SUGCT: variants seen among roughly 807,000 people sequenced by gnomAD.
SUGCT encodes the protein succinyl-CoA:glutarate-CoA transferase.
A neutral mutation model predicts 55.0 loss-of-function variants in SUGCT; 41 were observed. The observed-to-expected ratio is 0.74, with a 90% confidence interval of 0.58 to 0.97. The LOEUF is 0.97. Among genes scored for constraint, SUGCT ranks in the 50% least tolerant of loss-of-function variants. SUGCT has a pLI of 0.00. For synonymous variants in SUGCT, 187 were observed against 200.4 expected (o/e 0.93, Z 0.56); for missense variants, 568 against 547.8 (o/e 1.04, Z -0.37).
intron 6 of SUGCT, among the ~76,000 whole-genome samples, chr7:40,226,078 T>C (rs1788331724): frequency 6.6e-6 from 1 of 152,204 alleles, no homozygotes; most frequent in African/African-American, 2.4e-5. Flanking sequence ...TATGTTAATT[T>C]AGATTGGCTA....
At chr7:40,855,805 G>C (rs1257447336) in intron 13 of SUGCT, among the ~76,000 whole-genome samples, 1 of 152,164 alleles carries the variant, frequency 6.6e-6, no homozygotes, top group South Asian at 2.1e-4. Flanking sequence ...TCAAATGTTG[G>C]AGTATCGAGG....
intron 12 of SUGCT, among the ~76,000 whole-genome samples, chr7:40,666,351 A>AAGGAAGG (rs1801629438): frequency 2.9e-5 from 3 of 105,150 alleles, no homozygotes; most frequent in African/African-American, 1.6e-4. Context: ...CTGTCTCAAG[A>AAGGAAGG]AAGAAAGGAA....
At chr7:40,309,038 C>T (rs1681363349) in intron 8 of SUGCT, among the ~76,000 whole-genome samples, 1 of 152,204 alleles carries the variant, frequency 6.6e-6, no homozygotes, top group African/African-American at 2.4e-5. Flanking sequence ...TAGATTTTCA[C>T]AGGCCTTCTC....
intron 3 of SUGCT, among the ~76,000 whole-genome samples, chr7:40,187,215 C>T (rs953022613): frequency 6.6e-6 from 1 of 152,074 alleles, no homozygotes; most frequent in African/African-American, 2.4e-5. Context: ...TGTTCTCACT[C>T]ATAGGTGGGA....
the SUGCT span, among the ~76,000 whole-genome samples, chr7:40,878,670 G>C: frequency 6.6e-6 from 1 of 152,206 alleles, no homozygotes; most frequent in South Asian, 2.1e-4. Context: ...TGTCTGGATG[G>C]GTGAATGTGG....
chr7:40,732,199 A>G (rs1180238148), intron 12 of SUGCT, among the ~76,000 whole-genome samples: 1 of 152,144 alleles, frequency 6.6e-6, no homozygotes, highest in Non-Finnish European at 1.5e-5. Context: ...TTCTGAGGCT[A>G]TAGGCATTCC....
chr7:40,600,671 T>C (rs1798246941), intron 12 of SUGCT, among the ~76,000 whole-genome samples: 1 of 151,988 alleles, frequency 6.6e-6, no homozygotes, highest in African/African-American at 2.4e-5. Flanking sequence ...TTTCTTTTTT[T>C]CTTGATCAAG....
chr7:40,761,223 G>A (rs1442051127), intron 13 of SUGCT, among the ~76,000 whole-genome samples: 1 of 152,180 alleles, frequency 6.6e-6, no homozygotes, highest in Non-Finnish European at 1.5e-5. Context: ...ACTGCCAGAT[G>A]GACGTGAGGC....
chr7:40,638,200 A>T (rs17171749), intron 12 of SUGCT, among the ~76,000 whole-genome samples: 24,852 of 152,170 alleles, frequency 0.16, 3,387 homozygotes, highest in African/African-American at 0.37. Context: ...AGGTTTGTAA[A>T]CACAGTGCCT....
chr7:40,337,298 A>G (rs1796768703), intron 9 of SUGCT, among the ~76,000 whole-genome samples: 1 of 152,092 alleles, frequency 6.6e-6, no homozygotes, highest in African/African-American at 2.4e-5. Context: ...ATTCCTGGAT[A>G]TGCTTGTGAA....
At chr7:40,669,416 C>T (rs1196304830) in intron 12 of SUGCT, among the ~76,000 whole-genome samples, 1 of 142,096 alleles carries the variant, frequency 7.0e-6, no homozygotes, top group Non-Finnish European at 1.5e-5. Flanking sequence ...TCAATGAAAA[C>T]AGACACTCAA....
intron 6 of SUGCT, among the ~76,000 whole-genome samples, chr7:40,220,749 A>T (rs1166793880): frequency 1.3e-5 from 2 of 152,194 alleles, no homozygotes; most frequent in African/African-American, 2.4e-5. Flanking sequence ...AGGATTGCAA[A>T]TTCTAAATTA....
At chr7:40,636,173 T>C (rs1353527007) in intron 12 of SUGCT, among the ~76,000 whole-genome samples, 1 of 152,232 alleles carries the variant, frequency 6.6e-6, no homozygotes, top group Non-Finnish European at 1.5e-5. Flanking sequence ...TGAGGCCAGC[T>C]TGTCTCTGTT....
intron 6 of SUGCT, among the ~76,000 whole-genome samples, chr7:40,207,692 C>G (rs1166616589): frequency 1.3e-5 from 2 of 152,028 alleles, no homozygotes; most frequent in African/African-American, 4.8e-5. Context: ...TGGCGGGCAC[C>G]TGTAATCCCA....
At chr7:40,911,525 G>A in the SUGCT span, among the ~76,000 whole-genome samples, 6 of 148,762 alleles carry the variant, frequency 4.0e-5, no homozygotes, top group East Asian at 2.0e-4. Flanking sequence ...CCGTGATTGC[G>A]CCACTGCACT....
chr7:40,960,148 C>A, the SUGCT span, among the ~76,000 whole-genome samples: 1 of 152,142 alleles, frequency 6.6e-6, no homozygotes, highest in Non-Finnish European at 1.5e-5. Context: ...CCCTCAGAAA[C>A]CTTTGATGCC....
chr7:40,520,667 C>T (rs544687031), intron 12 of SUGCT, among the ~76,000 whole-genome samples: 42 of 152,178 alleles, frequency 2.8e-4, no homozygotes, highest in Admixed American at 1.0e-3. Context: ...AAACCACATT[C>T]GAGGTGAGAG....
At position 40,316,955 on chromosome 7, in the gene SUGCT, G is replaced by GTTT. The variant is rs56989808; in HGVS notation, c.816+116_816+118dup. The GTTT allele has an allele frequency of 3.1e-3, 592 of 189,010 alleles. 1 individual carries two copies. Among genetic ancestry groups the GTTT allele is most frequent in the South Asian group, 5.8e-3 (41 of 7,094 alleles). The allele number at this position is 189,010 out of a possible 1,614,324, so 11.7% of individuals were successfully genotyped here. A position where few individuals can be genotyped will look rare whatever the true frequency, so the allele number is the denominator to read the frequency against. ...CTTTTTATACACAAATCCTTCAGCT[G>GTTT]TTTTTTTTTTTTTTTTTTGTAATGT... On this transcript the variant is annotated intron_variant, in intron 9 of 13. Coordinates refer to ENST00000335693, the MANE Select transcript of SUGCT (RefSeq NM_001193313.2).
At chr7:40,759,560 G>T (rs909116128) in intron 13 of SUGCT, among the ~76,000 whole-genome samples, 1 of 151,904 alleles carries the variant, frequency 6.6e-6, no homozygotes, top group South Asian at 2.1e-4. Flanking sequence ...AGCTCTGGGT[G>T]TATCTTTAAT....
Sources: allele counts gnomAD v4.1 joint callset (sites outside exome capture counted in the v4.1 genomes callset), GRCh38; gene constraint gnomAD v4.1.1; transcripts MANE v1.5; gene names NCBI Gene and HGNC (gene_info 2026-07-23, HGNC 2026-07-21).